The following AGAP5 variants were observed in gnomAD, a reference collection of about 807,000 sequenced individuals.
The protein encoded by AGAP5 is ArfGAP with GTPase domain, ankyrin repeat and PH domain 5.
Under a neutral mutation model 27.7 loss-of-function variants are expected in AGAP5, and 8 were observed. The ratio of observed to expected loss-of-function variants is 0.29; its 90% CI spans 0.17 to 0.52. The LOEUF (loss-of-function observed/expected upper bound fraction) is 0.52, where lower values mean the gene tolerates loss of function less well. AGAP5 is among the 20% of genes least tolerant of loss of function. AGAP5 has a pLI of 0.97. For missense variants in AGAP5, 285 were observed against 880.8 expected (o/e 0.32, Z 8.56); for synonymous variants, 111 against 338.0 (o/e 0.33, Z 7.37).
chr10:73,678,988 G>A (rs1373650281), intron 6 of AGAP5, among the ~76,000 whole-genome samples: 2 of 150,500 alleles, frequency 1.3e-5, no homozygotes, highest in African/African-American at 4.9e-5. Flanking sequence ...CAAGTAACTG[G>A]GACTACAGGC....
chr10:73,686,776 A>G (rs796206025), intron 4 of AGAP5, among the ~76,000 whole-genome samples: 1 of 152,240 alleles, frequency 6.6e-6, no homozygotes, highest in Non-Finnish European at 1.5e-5. Context: ...ACATATATAT[A>G]TATGAGGAAT....
chr10:73,696,306 C>A (rs560598546), intron 2 of AGAP5, among the ~76,000 whole-genome samples: 174 of 152,296 alleles, frequency 1.1e-3, no homozygotes, highest in African/African-American at 3.9e-3. Context: ...GCGTGAGCCA[C>A]CAAGCCCAGC....
At chr10:73,697,309 C>G in intron 1 of AGAP5, 146 bp from the exon 2 acceptor site, 2 of 1,451,400 alleles carry the variant, frequency 1.4e-6, no homozygotes, top group Non-Finnish European at 1.8e-6. Flanking sequence ...AGAGCAAGAA[C>G]TGGGCGATTG....
At chr10:73,688,917 G>A (rs149218203) in intron 4 of AGAP5, among the ~76,000 whole-genome samples, 6 of 152,270 alleles carry the variant, frequency 3.9e-5, no homozygotes, top group Non-Finnish European at 8.8e-5. Context: ...TGTAATAAGA[G>A]CACAACTGCC....
intron 3 of AGAP5, among the ~76,000 whole-genome samples, chr10:73,693,818 C>T (rs2082139048): frequency 6.6e-6 from 1 of 152,072 alleles, no homozygotes; most frequent in Non-Finnish European, 1.5e-5. Flanking sequence ...TTGCTGAGGC[C>T]CTCACCAGAA....
chr10:73,696,286 G>A (rs1157574111), intron 2 of AGAP5, among the ~76,000 whole-genome samples: 3 of 152,096 alleles, frequency 2.0e-5, no homozygotes, highest in Non-Finnish European at 4.4e-5. Context: ...CCAAAGTGCT[G>A]GGATTACAGG....
At chr10:73,687,545 G>A (rs1389716538) in intron 4 of AGAP5, among the ~76,000 whole-genome samples, 2 of 152,210 alleles carry the variant, frequency 1.3e-5, no homozygotes. Context: ...CTCCATATAT[G>A]TTGTGAAGTA....
chr10:73,679,384 G>C (rs538756466), intron 6 of AGAP5, among the ~76,000 whole-genome samples: 8 of 151,776 alleles, frequency 5.3e-5, no homozygotes, highest in Non-Finnish European at 8.8e-5. Context: ...GAATGGTCTC[G>C]ATCTCCTGAC....
chr10:73,696,820 C>T (rs1168584352), intron 2 of AGAP5, among the ~76,000 whole-genome samples: 9 of 152,200 alleles, frequency 5.9e-5, no homozygotes, highest in Non-Finnish European at 1.0e-4. Flanking sequence ...TAGCCTCTCC[C>T]GTGGCAACCT....
chr10:73,692,924 T>C (rs542105229), intron 3 of AGAP5, among the ~76,000 whole-genome samples: 1 of 152,160 alleles, frequency 6.6e-6, no homozygotes, highest in East Asian at 1.9e-4. Context: ...GGATTACAGG[T>C]GTAAGCCACA....
chr10:73,688,395 T>A (rs1445454774), intron 4 of AGAP5, among the ~76,000 whole-genome samples: 1 of 151,960 alleles, frequency 6.6e-6, no homozygotes, highest in South Asian at 2.1e-4. Context: ...ACAGAAATCC[T>A]GCTTCCAAAT....
intron 4 of AGAP5, among the ~76,000 whole-genome samples, chr10:73,690,622 AAAAG>A (rs1223841926): frequency 5.1e-4 from 77 of 152,134 alleles, no homozygotes; most frequent in African/African-American, 1.8e-3. Flanking sequence ...AAAAAAAAAA[AAAAG>A]AGCACAACTG....
At chr10:73,686,057 C>G (rs535046756) in intron 4 of AGAP5, among the ~76,000 whole-genome samples, 1 of 152,142 alleles carries the variant, frequency 6.6e-6, no homozygotes, top group Non-Finnish European at 1.5e-5. Context: ...AAAAAACAAT[C>G]CTGAAATTTA....
chr10:73,679,118 G>T (rs1418149721), intron 6 of AGAP5, among the ~76,000 whole-genome samples: 1 of 145,350 alleles, frequency 6.9e-6, no homozygotes, highest in Non-Finnish European at 1.5e-5. Context: ...CTCCCAAAAT[G>T]CTGGGATTAC....
At chr10:73,688,798 A>G (rs901614471) in intron 4 of AGAP5, among the ~76,000 whole-genome samples, 2 of 152,188 alleles carry the variant, frequency 1.3e-5, no homozygotes, top group African/African-American at 4.8e-5. Context: ...ACAAGCTGTT[A>G]TAAAATTTCA....
intron 4 of AGAP5, among the ~76,000 whole-genome samples, chr10:73,688,829 C>T (rs2082086163): frequency 6.6e-6 from 1 of 152,164 alleles, no homozygotes; most frequent in Non-Finnish European, 1.5e-5. Context: ...GAGAGAGATT[C>T]TAAAAAGCTT....
chr10:73,689,654 G>GT (rs2082097726), intron 4 of AGAP5, among the ~76,000 whole-genome samples: 1 of 151,998 alleles, frequency 6.6e-6, no homozygotes, highest in African/African-American at 2.4e-5. Context: ...CGTCCAGGAT[G>GT]TGAGGAGCGT....
At chr10:73,677,532 C>A (rs2081990150) in intron 6 of AGAP5, among the ~76,000 whole-genome samples, 2 of 141,448 alleles carry the variant, frequency 1.4e-5, no homozygotes, top group Admixed American at 7.2e-5. Context: ...ATTACAGGCA[C>A]CTGCCACCAC....
chr10:73,695,436 T>C lies in AGAP5; in HGVS notation c.293-632A>G, dbSNP rs2082153346. Among the ~76,000 whole-genome samples the C allele has an allele frequency of 2.0e-5, 3 of 152,180 alleles. No individual in the cohort carries two copies. In the South Asian group the frequency reaches 6.2e-4, roughly 32 times the overall value. ...TAAACTGTGTTGTAATCCTAAAGAA[T>C]GACAATAAAGAGCCATTTTTGGGCT... On this transcript the variant is annotated intron_variant, in intron 2 of 7. Transcript: ENST00000374094.
Sources: gnomAD v4.1 joint callset for allele counts (sites outside exome capture counted in the v4.1 genomes callset) on GRCh38, gnomAD v4.1.1 for gene constraint, MANE v1.5 for transcripts, NCBI Gene and HGNC (gene_info 2026-07-23, HGNC 2026-07-21) for gene names.